Variants in CCDC192 observed in about 807,000 individuals in gnomAD.
CCDC192 encodes the protein coiled-coil domain containing 192, also known as coiled-coil domain-containing protein 192.
intron 2 of CCDC192, among the ~76,000 whole-genome samples, chr5:127,734,618 T>A (rs1231171312): frequency 7.1e-6 from 1 of 141,154 alleles, no homozygotes; most frequent in Non-Finnish European, 1.5e-5. Flanking sequence ...TGATAGCCAT[T>A]CTAACTGGTG....
intron 6 of CCDC192, among the ~76,000 whole-genome samples, chr5:127,926,695 T>C (rs185468722): frequency 3.5e-4 from 53 of 152,132 alleles, no homozygotes; most frequent in Non-Finnish European, 7.1e-4. Context: ...CTGAGGTGCT[T>C]ATAAGATATC....
At chr5:127,731,012 C>T (rs930662917) in intron 2 of CCDC192, among the ~76,000 whole-genome samples, 2 of 152,070 alleles carry the variant, frequency 1.3e-5, no homozygotes, top group Non-Finnish European at 2.9e-5. Context: ...GAAGTTTTGG[C>T]CAGGGCAATC....
At chr5:127,867,330 C>T (rs998311148) in intron 5 of CCDC192, among the ~76,000 whole-genome samples, 2 of 152,086 alleles carry the variant, frequency 1.3e-5, no homozygotes, top group African/African-American at 2.4e-5. Flanking sequence ...AGTATCTGAC[C>T]GATTATAAAG....
chr5:127,938,554 T>C (rs1247133056), intron 6 of CCDC192, among the ~76,000 whole-genome samples: 1 of 152,186 alleles, frequency 6.6e-6, no homozygotes, highest in Non-Finnish European at 1.5e-5. Context: ...ATGCAAGCCA[T>C]GTATTTTAAA....
At chr5:127,812,690 T>C (rs1474367281) in intron 5 of CCDC192, among the ~76,000 whole-genome samples, 1 of 152,226 alleles carries the variant, frequency 6.6e-6, no homozygotes, top group African/African-American at 2.4e-5. Flanking sequence ...GAGACTGTTT[T>C]GTTTCTGCCA....
rs1332678250 is a variant in CCDC192 at position 127,890,214 on chromosome 5, AT to A, written c.535+14560del. 2.6e-5 allele frequency among the ~76,000 whole-genome samples: 4 copies of A among 152,170 alleles called. No homozygotes were observed. The East Asian group carries it at 7.7e-4, about 29-fold the overall frequency. Reference sequence around the variant, plus strand: ...ATAGTGAGACCCCATTTCTACAAAAATTTTTTTAAAAAAATAGCTGGGTGTA... The same window carrying A: ...ATAGTGAGACCCCATTTCTACAAAAATTTTTTAAAAAAATAGCTGGGTGTA... On this transcript the variant is annotated intron_variant, in intron 6 of 6. Coordinates refer to ENST00000514853, the MANE Select transcript of CCDC192 (RefSeq NM_001317938.2).
chr5:127,820,034 A>T (rs1749211847), intron 5 of CCDC192, among the ~76,000 whole-genome samples: 1 of 152,200 alleles, frequency 6.6e-6, no homozygotes, highest in Non-Finnish European at 1.5e-5. Flanking sequence ...TTAGCATTTC[A>T]TCTTCATACT....
chr5:127,705,700 A>C (rs1340275707), intron 1 of CCDC192, among the ~76,000 whole-genome samples: 1 of 152,064 alleles, frequency 6.6e-6, no homozygotes, highest in Non-Finnish European at 1.5e-5. Context: ...AAGAAATGTA[A>C]GATTTCAACA....
chr5:127,771,495 A>T (rs1264409338), intron 3 of CCDC192, among the ~76,000 whole-genome samples: 1 of 152,240 alleles, frequency 6.6e-6, no homozygotes, highest in Non-Finnish European at 1.5e-5. Context: ...GACACCTTTC[A>T]TTCATGGAAA....
chr5:127,711,423 T>TTA (rs1244000570), intron 2 of CCDC192, among the ~76,000 whole-genome samples: 1 of 152,196 alleles, frequency 6.6e-6, no homozygotes, highest in East Asian at 1.9e-4. Context: ...GAAGTCAGCT[T>TTA]TATAAAGTGA....
chr5:127,807,369 C>A (rs1197380453), intron 5 of CCDC192, among the ~76,000 whole-genome samples: 1 of 152,084 alleles, frequency 6.6e-6, no homozygotes, highest in African/African-American at 2.4e-5. Flanking sequence ...CCTGTCAGGT[C>A]AGTACTTTCT....
At chr5:127,728,427 T>A (rs1419838323) in intron 2 of CCDC192, among the ~76,000 whole-genome samples, 2 of 152,176 alleles carry the variant, frequency 1.3e-5, no homozygotes, top group African/African-American at 4.8e-5. Flanking sequence ...CAAACTAGAA[T>A]TTCATATCCA....
intron 6 of CCDC192, among the ~76,000 whole-genome samples, chr5:127,903,571 T>C (rs1753112710): frequency 1.3e-5 from 2 of 152,184 alleles, no homozygotes; most frequent in Non-Finnish European, 2.9e-5. Flanking sequence ...TGAATCATTA[T>C]GGCTGGATGA....
intron 5 of CCDC192, among the ~76,000 whole-genome samples, chr5:127,840,941 G>A (rs935579482): frequency 3.3e-5 from 5 of 152,214 alleles, no homozygotes; most frequent in Non-Finnish European, 5.9e-5. Context: ...AAGTAAAAAT[G>A]TTGACCAAGT....
chr5:127,713,368 G>A (rs747313185), intron 2 of CCDC192, among the ~76,000 whole-genome samples: 2 of 152,022 alleles, frequency 1.3e-5, no homozygotes, highest in African/African-American at 2.4e-5. Flanking sequence ...ATCTTATTTA[G>A]TGAAGTATTT....
chr5:127,924,436 CAA>C (rs1753811503), intron 6 of CCDC192, among the ~76,000 whole-genome samples: 1 of 152,094 alleles, frequency 6.6e-6, no homozygotes, highest in Non-Finnish European at 1.5e-5. Context: ...ACCGTGCTGC[CAA>C]TTCCTAAGAT....
At chr5:127,828,629 CA>C (rs1749645941) in intron 5 of CCDC192, among the ~76,000 whole-genome samples, 1 of 152,122 alleles carries the variant, frequency 6.6e-6, no homozygotes, top group Non-Finnish European at 1.5e-5. Flanking sequence ...CATGCTAAGA[CA>C]GGGTAAATAT....
At chr5:127,740,591 G>A (rs962684563) in intron 2 of CCDC192, among the ~76,000 whole-genome samples, 10 of 151,490 alleles carry the variant, frequency 6.6e-5, no homozygotes, top group Non-Finnish European at 7.4e-5. Flanking sequence ...TCTTATCATT[G>A]TAATTAATTT....
intron 3 of CCDC192, among the ~76,000 whole-genome samples, chr5:127,768,588 GGT>G (rs1755366503): frequency 6.6e-6 from 1 of 152,138 alleles, no homozygotes; most frequent in Admixed American, 6.5e-5. Flanking sequence ...CCCAGTTTGT[GGT>G]ACTCTTTTAT....
Sources: allele counts gnomAD v4.1 joint callset (sites outside exome capture counted in the v4.1 genomes callset), GRCh38; gene constraint gnomAD v4.1.1; transcripts MANE v1.5; gene names NCBI Gene and HGNC (gene_info 2026-07-23, HGNC 2026-07-21).